The following PDE7B variants were observed in gnomAD, a reference collection of about 807,000 sequenced individuals.
The protein encoded by PDE7B is phosphodiesterase 7B.
A neutral mutation model predicts 56.2 loss-of-function variants in PDE7B; 29 were observed. That is an observed-to-expected ratio of 0.52 (90% confidence interval 0.38 to 0.70). The LOEUF (loss-of-function observed/expected upper bound fraction) is 0.70, where lower values mean the gene tolerates loss of function less well. Among genes scored for constraint, PDE7B ranks in the 30% least tolerant of loss-of-function variants. The probability of loss-of-function intolerance (pLI) is 0.00; values close to 1 mark genes in which losing one functional copy is unlikely to be tolerated. For missense variants in PDE7B, 490 were observed against 565.0 expected (o/e 0.87, Z 1.35); for synonymous variants, 197 against 196.9 (o/e 1.00, Z 0.00).
At chr6:136,155,532 G>A (rs772024329) in intron 7 of PDE7B, 95 bp from the exon 8 acceptor site, 135 of 1,031,866 alleles carry the variant, frequency 1.3e-4, no homozygotes, top group Non-Finnish European at 1.7e-4. Flanking sequence ...CTTAAACAAT[G>A]CCATGATGAT....
At chr6:135,880,959 T>C (rs1264253602) in intron 1 of PDE7B, among the ~76,000 whole-genome samples, 1 of 152,182 alleles carries the variant, frequency 6.6e-6, no homozygotes, top group African/African-American at 2.4e-5. Context: ...AAAACTCTTT[T>C]TCTTTTCTAG....
chr6:136,082,981 A>T (rs1418902940), intron 2 of PDE7B, among the ~76,000 whole-genome samples: 1 of 152,214 alleles, frequency 6.6e-6, no homozygotes, highest in African/African-American at 2.4e-5. Context: ...ATTGAAGAGG[A>T]ATTGGTTTAA....
At position 136,105,761 on chromosome 6, in the gene PDE7B, A is replaced by G. The variant is rs534493571; in HGVS notation, c.83-2970A>G. On this transcript the variant is annotated intron_variant, in intron 2 of 12. Coordinates refer to ENST00000308191, the MANE Select transcript of PDE7B (RefSeq NM_018945.4). ...CGTCCTGTCAGTACAGGAGCCCCCAAGTTCCCAGTGTATTGCCCTCCCTTC... is the reference window on the plus strand; with the variant it reads ...CGTCCTGTCAGTACAGGAGCCCCCAGGTTCCCAGTGTATTGCCCTCCCTTC... Among the ~76,000 whole-genome samples the G allele has an allele frequency of 1.5e-3, 233 of 152,260 alleles. 3 individuals carry two copies. Among genetic ancestry groups the G allele is most frequent in the African/African-American group, 4.8e-3 (198 of 41,532 alleles).
chr6:135,932,579 T>C (rs912803449), intron 1 of PDE7B, among the ~76,000 whole-genome samples: 5 of 152,148 alleles, frequency 3.3e-5, no homozygotes, highest in South Asian at 2.1e-4. Context: ...TAGATAAATA[T>C]ATAGATGCAC....
At chr6:136,137,610 A>G (rs1322418680) in intron 3 of PDE7B, among the ~76,000 whole-genome samples, 1 of 152,124 alleles carries the variant, frequency 6.6e-6, no homozygotes, top group South Asian at 2.1e-4. Context: ...AGTTGACAGA[A>G]ACAGCCTTAT....
In PDE7B at chr6:136,192,009, G is replaced by A. The variant is rs1031134797; in HGVS notation, c.*169G>A. The A allele has an allele frequency of 4.6e-5, 28 of 611,484 alleles. No individual in the cohort carries two copies. Among genetic ancestry groups the A allele is most frequent in the Non-Finnish European group, 7.8e-5 (27 of 346,696 alleles). The allele number at this position is 611,484 out of a possible 1,614,324, so 37.9% of individuals were successfully genotyped here. Reference sequence around the variant, plus strand: ...CCTGCCTCCCCTCCTTTTCGCAAATGTACAGAAGCCATTTGTCACCTCAGC... The same window carrying A: ...CCTGCCTCCCCTCCTTTTCGCAAATATACAGAAGCCATTTGTCACCTCAGC... On this transcript the variant is annotated 3_prime_UTR_variant, in exon 13 of 13. Transcript: ENST00000308191.
chr6:135,926,787 G>T (rs1774199767), intron 1 of PDE7B, among the ~76,000 whole-genome samples: 2 of 152,124 alleles, frequency 1.3e-5, no homozygotes, highest in Non-Finnish European at 2.9e-5. Flanking sequence ...GACTTCTACT[G>T]TGCGGCAAGT....
intron 2 of PDE7B, among the ~76,000 whole-genome samples, chr6:136,033,587 G>A (rs548252190): frequency 1.9e-4 from 29 of 152,138 alleles, no homozygotes; most frequent in Non-Finnish European, 2.8e-4. Flanking sequence ...CTCCTACTTC[G>A]CCCCACCTGT....
chr6:135,878,959 T>A (rs1359128309), intron 1 of PDE7B, among the ~76,000 whole-genome samples: 1 of 152,210 alleles, frequency 6.6e-6, no homozygotes, highest in Admixed American at 6.5e-5. Context: ...CCCTTTGTCA[T>A]ATATCTTGAG....
chr6:136,001,312 C>A (rs533455261), intron 2 of PDE7B, among the ~76,000 whole-genome samples: 53 of 151,762 alleles, frequency 3.5e-4, no homozygotes, highest in South Asian at 1.9e-3. Flanking sequence ...TCCAAAGGAA[C>A]GCAGTTCCTC....
chr6:136,084,020 T>G (rs1656944490), intron 2 of PDE7B, among the ~76,000 whole-genome samples: 1 of 152,228 alleles, frequency 6.6e-6, no homozygotes, highest in Non-Finnish European at 1.5e-5. Flanking sequence ...AAGTTCTACA[T>G]GCAAAGGACT....
chr6:135,989,198 T>C (rs1166243714), intron 2 of PDE7B, among the ~76,000 whole-genome samples: 1 of 152,216 alleles, frequency 6.6e-6, no homozygotes, highest in African/African-American at 2.4e-5. Context: ...CACTTGTGGA[T>C]ACAATGGTTG....
intron 2 of PDE7B, among the ~76,000 whole-genome samples, chr6:136,021,199 T>G (rs927310937): frequency 2.6e-5 from 4 of 152,234 alleles, no homozygotes; most frequent in Non-Finnish European, 5.9e-5. Flanking sequence ...TCAACTTAGG[T>G]ATCTCATCAT....
intron 8 of PDE7B, among the ~76,000 whole-genome samples, chr6:136,164,479 AGATAT>A (rs146338416): frequency 0.021 from 3,199 of 152,276 alleles, 206 homozygotes; most frequent in Admixed American, 0.12. Flanking sequence ...CCTGTAACTG[AGATAT>A]GATAACTCCC....
At chr6:136,025,907 C>A (rs1373162494) in intron 2 of PDE7B, among the ~76,000 whole-genome samples, 1 of 152,112 alleles carries the variant, frequency 6.6e-6, no homozygotes, top group Non-Finnish European at 1.5e-5. Flanking sequence ...CCATTTCTGG[C>A]CAAGCTGTTT....
At chr6:135,926,793 C>A (rs566821607) in intron 1 of PDE7B, among the ~76,000 whole-genome samples, 1 of 152,232 alleles carries the variant, frequency 6.6e-6, no homozygotes, top group South Asian at 2.1e-4. Flanking sequence ...TACTGTGCGG[C>A]AAGTGCTTAA....
intron 2 of PDE7B, among the ~76,000 whole-genome samples, chr6:135,972,095 G>A (rs1171773323): frequency 6.6e-6 from 1 of 151,940 alleles, no homozygotes; most frequent in African/African-American, 2.4e-5. Flanking sequence ...TTAGCTGGGT[G>A]TGGTGGTGCC....
intron 12 of PDE7B, among the ~76,000 whole-genome samples, chr6:136,187,977 A>T (rs1583933714): frequency 6.6e-6 from 1 of 152,182 alleles, no homozygotes; most frequent in African/African-American, 2.4e-5. Context: ...ACCTGTTCCT[A>T]TAGACTTCAG....
At chr6:136,156,207 A>G in intron 8 of PDE7B, 3 of 184,246 alleles carry the variant, frequency 1.6e-5, no homozygotes, top group Non-Finnish European at 3.0e-5. Context: ...GTGTGTTTTC[A>G]GAAACAGGGT....
Sources: gnomAD v4.1 joint callset for allele counts (sites outside exome capture counted in the v4.1 genomes callset) on GRCh38, gnomAD v4.1.1 for gene constraint, MANE v1.5 for transcripts, NCBI Gene and HGNC (gene_info 2026-07-23, HGNC 2026-07-21) for gene names.